STXBP5: variants seen among roughly 807,000 people sequenced by gnomAD.
STXBP5 encodes syntaxin-binding protein 5.
Under a neutral mutation model 152.4 loss-of-function variants are expected in STXBP5, and 50 were observed. The observed-to-expected ratio is 0.33, with a 90% CI of 0.26 to 0.42. The LOEUF (loss-of-function observed/expected upper bound fraction) is 0.42, where lower values mean the gene tolerates loss of function less well. Among genes scored for constraint, STXBP5 ranks in the 10% least tolerant of loss-of-function variants. The pLI is 1.00. For synonymous variants in STXBP5, 492 were observed against 494.7 expected (o/e 0.99, Z 0.07); for missense variants, 1,167 against 1,388.6 (o/e 0.84, Z 2.54).
At chr6:147,282,321 T>A (rs969303876) in intron 8 of STXBP5, among the ~76,000 whole-genome samples, 1 of 152,218 alleles carries the variant, frequency 6.6e-6, no homozygotes, top group Non-Finnish European at 1.5e-5. Flanking sequence ...TATTTTTGAC[T>A]ACCAAAAACA....
intron 2 of STXBP5, among the ~76,000 whole-genome samples, chr6:147,208,125 A>G (rs1367266260): frequency 6.6e-6 from 1 of 152,072 alleles, no homozygotes; most frequent in Non-Finnish European, 1.5e-5. Context: ...TATAGTTTGC[A>G]ATTATACTCT....
rs1404063208 is a variant in STXBP5, at chr6:147,286,212, G to T, written c.839-4882G>T. ...TCCTTTCTTCTGGCAGTTCTTTCCA[G>T]TTCCTTGGTCACTTCTGTCACTTCT... On this transcript the variant is annotated intron_variant, in intron 8 of 27. Transcript: ENST00000321680. Among the ~76,000 whole-genome samples the T allele has an allele frequency of 3.3e-5, 5 of 152,078 alleles. No homozygotes were observed. The East Asian group carries it at 9.7e-4, about 29-fold the overall frequency.
At chr6:147,377,568 G>A (rs1785868445) in intron 26 of STXBP5, among the ~76,000 whole-genome samples, 1 of 152,166 alleles carries the variant, frequency 6.6e-6, no homozygotes, top group Non-Finnish European at 1.5e-5. Flanking sequence ...TTGAGATCAA[G>A]GTGCCAGCAG....
At chr6:147,314,715 A>T (rs1285273479) in intron 14 of STXBP5, 79 bp downstream of exon 14, 2 of 1,032,324 alleles carry the variant, frequency 1.9e-6, no homozygotes, top group African/African-American at 3.3e-5. Context: ...TAATAATTGC[A>T]TAACCAATAT....
At chr6:147,352,614 T>A (rs748179422) in intron 21 of STXBP5, among the ~76,000 whole-genome samples, 4 of 151,570 alleles carry the variant, frequency 2.6e-5, no homozygotes, top group Non-Finnish European at 5.9e-5. Flanking sequence ...CGCCTCAATT[T>A]AAAAAAAAGA....
At chr6:147,267,044 A>G (rs376840830) in intron 6 of STXBP5, 40 bp from the exon 7 acceptor site, 3 of 1,473,588 alleles carry the variant, frequency 2.0e-6, no homozygotes, top group East Asian at 4.5e-5. Flanking sequence ...TTTATAATTG[A>G]TATCATTCCT....
Position 147,315,753 on chromosome 6 carries a change from A to G in STXBP5, c.1623+18A>G. ...TCATTCCGGTAATAACGTCTTAGTTATTTTCATGGTCAAGTTATTTTCATC... is the reference window on the plus strand; with the variant it reads ...TCATTCCGGTAATAACGTCTTAGTTGTTTTCATGGTCAAGTTATTTTCATC... On this transcript the variant is annotated intron_variant, in intron 15 of 27. Coordinates refer to ENST00000321680, the MANE Select transcript of STXBP5 (RefSeq NM_001127715.4). The G allele has an allele frequency of 1.3e-6, 2 of 1,591,154 alleles. No individual in the cohort carries two copies. Among genetic ancestry groups the G allele is most frequent in the Non-Finnish European group, 1.7e-6 (2 of 1,161,484 alleles).
intron 21 of STXBP5, among the ~76,000 whole-genome samples, chr6:147,346,368 T>C (rs1784329865): frequency 6.6e-6 from 1 of 152,124 alleles, no homozygotes; most frequent in Admixed American, 6.5e-5. Context: ...TGGGTCTACT[T>C]CTTGTAGTGG....
chr6:147,225,481 T>C (rs920856646), intron 2 of STXBP5, among the ~76,000 whole-genome samples: 4 of 152,236 alleles, frequency 2.6e-5, no homozygotes, highest in Non-Finnish European at 4.4e-5. Context: ...AATAATATCA[T>C]TACTTTTCTT....
intron 18 of STXBP5, 106 bp from the exon 19 acceptor site, chr6:147,334,051 T>G (rs1029098227): frequency 9.5e-7 from 1 of 1,053,912 alleles, no homozygotes; most frequent in Non-Finnish European, 1.4e-6. Context: ...GTTAATTTAT[T>G]GGGTTCTTTT....
intron 16 of STXBP5, 136 bp from the exon 17 acceptor site, chr6:147,324,823 A>T: frequency 1.2e-6 from 1 of 824,318 alleles, no homozygotes; most frequent in Non-Finnish European, 1.7e-6. Context: ...CAACTAGGTT[A>T]AATGCTTCTA....
intron 7 of STXBP5, among the ~76,000 whole-genome samples, chr6:147,267,432 CA>C (rs2115370384): frequency 1.3e-5 from 2 of 152,226 alleles, no homozygotes; most frequent in South Asian, 4.1e-4. Flanking sequence ...TGTGCATTTA[CA>C]AGCAAATTCA....
At chr6:147,292,384 C>A in intron 9 of STXBP5, 1 of 328,400 alleles carries the variant, frequency 3.0e-6, no homozygotes, top group South Asian at 2.4e-5. Flanking sequence ...AGTTATCTGA[C>A]TTCTTTGTGG....
At chr6:147,378,797 A>G (rs1389440459) in intron 26 of STXBP5, among the ~76,000 whole-genome samples, 3 of 152,216 alleles carry the variant, frequency 2.0e-5, no homozygotes, top group Admixed American at 6.5e-5. Context: ...ATAAAAAATG[A>G]AAAACTTTAA....
intron 2 of STXBP5, among the ~76,000 whole-genome samples, chr6:147,207,850 T>C (rs754799663): frequency 6.6e-6 from 1 of 152,186 alleles, no homozygotes; most frequent in Non-Finnish European, 1.5e-5. Flanking sequence ...CCTTGTAACA[T>C]CCAATCTGGC....
At chr6:147,295,797 A>G (rs767818529) in intron 9 of STXBP5, among the ~76,000 whole-genome samples, 18 of 152,208 alleles carry the variant, frequency 1.2e-4, no homozygotes, top group African/African-American at 2.4e-4. Context: ...TGAAGCTGCA[A>G]TGCTCCAGAG....
At chr6:147,262,612 G>T (rs1452863426) in intron 6 of STXBP5, among the ~76,000 whole-genome samples, 2 of 151,804 alleles carry the variant, frequency 1.3e-5, no homozygotes, top group Non-Finnish European at 2.9e-5. Flanking sequence ...ATTTATATTT[G>T]GCTTATTCAG....
At chr6:147,267,255 G>T in intron 7 of STXBP5, 88 bp downstream of exon 7, 1 of 1,063,382 alleles carries the variant, frequency 9.4e-7, no homozygotes, top group South Asian at 1.6e-5. Flanking sequence ...TTTTACTTTA[G>T]GCAAACTTTG....
intron 16 of STXBP5, among the ~76,000 whole-genome samples, chr6:147,321,438 A>G (rs1562485698): frequency 6.6e-6 from 1 of 152,084 alleles, no homozygotes. Flanking sequence ...AAGTTTTTTA[A>G]AAAATTAGCC....
Sources: gnomAD v4.1 joint callset for allele counts (sites outside exome capture counted in the v4.1 genomes callset) on GRCh38, gnomAD v4.1.1 for gene constraint, MANE v1.5 for transcripts, NCBI Gene and HGNC (gene_info 2026-07-23, HGNC 2026-07-21) for gene names.